The following ARVCF variants were observed in gnomAD, a reference collection of about 807,000 sequenced individuals.
ARVCF encodes splicing regulator ARVCF.
In ARVCF, 66 loss-of-function variants were observed where a neutral mutation model predicts 90.9. The ratio of observed to expected loss-of-function variants is 0.73; its 90% confidence interval spans 0.60 to 0.89. The LOEUF is 0.89. Among genes scored for constraint, ARVCF ranks in the 40% least tolerant of loss-of-function variants. The probability of loss-of-function intolerance (pLI) is 0.00; values close to 1 mark genes in which losing one functional copy is unlikely to be tolerated. For synonymous variants in ARVCF, 653 were observed against 603.4 expected (o/e 1.08, Z -1.21); for missense variants, 1,469 against 1,382.3 (o/e 1.06, Z -1.00).
rs763980870 is a variant in ARVCF, at chr22:19,977,448, C to T, written c.1837G>A (p.Asp613Asn). The part of the protein sequence containing the change: ...AVGSQRRRRD[D>N]ASCFGGKKAK... ...TTCTTGCCTCCAAAGCAGCTGGCAT[C>T]ATCCCGCCTCCGGCGCTGGGAGCCT... Residue 613 changes from aspartate to asparagine, a missense_variant, in exon 9 of 20, where the codon GAT becomes AAT. Asp to Asn is a conservative substitution (Grantham distance 23). Coordinates refer to ENST00000263207, the MANE Select transcript of ARVCF (RefSeq NM_001670.3). 7 of 1,552,600 alleles carry T rather than the reference C, an allele frequency of 4.5e-6. No homozygotes were observed. In the East Asian group the frequency reaches 1.6e-4, roughly 36 times the overall value.
intron 2 of ARVCF, among the ~76,000 whole-genome samples, chr22:20,008,198 G>A (rs563999011): frequency 6.6e-6 from 1 of 152,298 alleles, no homozygotes; most frequent in Admixed American, 6.5e-5. Flanking sequence ...CCAAGAGAAG[G>A]CCTGTCATAG....
chr22:19,993,558 G>A (rs549882096), intron 2 of ARVCF, among the ~76,000 whole-genome samples: 38 of 152,184 alleles, frequency 2.5e-4, no homozygotes, highest in Non-Finnish European at 4.6e-4. Context: ...TGCCACCTTG[G>A]CCTCCCCTAA....
Position 19,980,260 on chromosome 22 carries a change from G to A in ARVCF, c.897-18C>T. The A allele has an allele frequency of 6.7e-7, 1 of 1,500,416 alleles. No individual in the cohort carries two copies. The highest frequency in any genetic ancestry group is 1.3e-5 in the South Asian group (1 of 75,600). 92.9% of individuals were successfully genotyped at this position (1,500,416 alleles called of 1,614,324 possible). ...CGTAGGCCCTGCACAGGCAAGTGGGGCGCGTGGACATCGTCACAGCAGCCG... is the reference window on the plus strand; with the variant it reads ...CGTAGGCCCTGCACAGGCAAGTGGGACGCGTGGACATCGTCACAGCAGCCG... On this transcript the variant is annotated intron_variant, in intron 5 of 19. Coordinates refer to ENST00000263207, the MANE Select transcript of ARVCF (RefSeq NM_001670.3).
intron 2 of ARVCF, among the ~76,000 whole-genome samples, chr22:19,994,229 G>C (rs1944138598): frequency 6.6e-6 from 1 of 151,864 alleles, no homozygotes; most frequent in Admixed American, 6.6e-5. Context: ...TGAATGGATG[G>C]ATGGGGGATG....
chr22:19,985,036 G>A (rs2238784), intron 3 of ARVCF, among the ~76,000 whole-genome samples: 37,273 of 152,040 alleles, frequency 0.25, 5,083 homozygotes, highest in South Asian at 0.33. Context: ...CATGTCTGAC[G>A]TGCACCTGCC....
At chr22:20,008,258 G>T (rs916408957) in intron 2 of ARVCF, among the ~76,000 whole-genome samples, 1 of 152,226 alleles carries the variant, frequency 6.6e-6, no homozygotes, top group Admixed American at 6.5e-5. Context: ...CAGGCACACG[G>T]CGGCTGATGG....
intron 2 of ARVCF, among the ~76,000 whole-genome samples, chr22:19,995,813 G>A (rs543582232): frequency 5.3e-5 from 8 of 152,128 alleles, no homozygotes; most frequent in East Asian, 1.9e-4. Flanking sequence ...GAGACGGGAC[G>A]GATGACCATC....
chr22:19,974,312 G>A, intron 11 of ARVCF, 73 bp from the exon 12 acceptor site: 1 of 1,478,732 alleles, frequency 6.8e-7, no homozygotes, highest in South Asian at 1.3e-5. Context: ...CCCGCTTCCC[G>A]CTTCAGAGCT....
In ARVCF at chr22:19,977,982, C is replaced by T. The variant is rs1569156891; in HGVS notation, c.1674G>A (p.Val558=). 6.2e-7 allele frequency: 1 copy of T among 1,610,566 alleles called. No homozygotes were observed. The highest frequency in any genetic ancestry group is 2.2e-5 in the East Asian group (1 of 44,814). Residue 558 remains valine (V), a synonymous_variant, in exon 8 of 20, where the codon GTG becomes GTA. Coordinates refer to ENST00000263207, the MANE Select transcript of ARVCF (RefSeq NM_001670.3). ...CCTTGTTGTCAGTGTCCTTCCGGCC[C>T]ACAGCCGACTGCAGGGCATGCAGGA... ...DALLHALQSA[V]GRKDTDNKSV...
chr22:19,995,021 G>A (rs1432452197), intron 2 of ARVCF, among the ~76,000 whole-genome samples: 1 of 151,820 alleles, frequency 6.6e-6, no homozygotes, highest in East Asian at 1.9e-4. Flanking sequence ...TCATAGAAGG[G>A]TAGACAGCTA....
chr22:19,974,454 T>G (rs1470237937), intron 11 of ARVCF, among the ~76,000 whole-genome samples: 1 of 152,110 alleles, frequency 6.6e-6, no homozygotes, highest in African/African-American at 2.4e-5. Flanking sequence ...TCAAATCAGT[T>G]GGACCTGCCT....
At position 19,981,482 on chromosome 22, in the gene ARVCF, C is replaced by T. The variant is rs1170998597; in HGVS notation, c.625G>A (p.Gly209Ser). Residue 209 changes from glycine to serine, a missense_variant, in exon 5 of 20, where the codon GGC becomes AGC. Gly to Ser is a moderately conservative substitution (Grantham distance 56). Transcript: ENST00000263207. ...PSYGSLSRGL[G>S]MRPPRAGPLG... ...GGGCCAGCACGTGGGGGCCGCATGC[C>T]CAGCCCTCGGGACAGGCTGCCATAG... The T allele has an allele frequency of 1.9e-6, 3 of 1,548,178 alleles. No individual in the cohort carries two copies. Among genetic ancestry groups the T allele is most frequent in the Non-Finnish European group, 2.6e-6 (3 of 1,149,228 alleles).
intron 2 of ARVCF, among the ~76,000 whole-genome samples, chr22:20,006,900 G>T (rs1944649515): frequency 6.6e-6 from 1 of 151,700 alleles, no homozygotes; most frequent in Non-Finnish European, 1.5e-5. Context: ...AAAGTGCTGG[G>T]ATTACAAGCA....
intron 3 of ARVCF, chr22:19,987,208 G>C: frequency 2.6e-6 from 1 of 387,634 alleles, no homozygotes; most frequent in Non-Finnish European, 4.6e-6. Context: ...CTCCCCGCGG[G>C]GGCGGATCTG....
chr22:19,992,764 C>A lies in ARVCF; in HGVS notation c.-18-1952G>T, dbSNP rs116957157. 1.3e-3 allele frequency among the ~76,000 whole-genome samples: 198 copies of A among 148,192 alleles called. 2 individuals are homozygous for A. Among genetic ancestry groups the A allele is most frequent in the African/African-American group, 4.9e-3 (196 of 40,138 alleles). On this transcript the variant is annotated intron_variant, in intron 2 of 19. Coordinates refer to ENST00000263207, the MANE Select transcript of ARVCF (RefSeq NM_001670.3). ...CTCCCTGTGCAGAGACATGGACCCTCGTCTACACCACACACCCCATCCCCC... is the reference window on the plus strand; with the variant it reads ...CTCCCTGTGCAGAGACATGGACCCTAGTCTACACCACACACCCCATCCCCC...
chr22:20,013,061 T>C (rs1944894314), intron 1 of ARVCF, among the ~76,000 whole-genome samples: 1 of 152,202 alleles, frequency 6.6e-6, no homozygotes, highest in Non-Finnish European at 1.5e-5. Flanking sequence ...ACACTGACTG[T>C]AGGTAGCTGA....
intron 16 of ARVCF, 108 bp downstream of exon 16, chr22:19,972,629 A>G: frequency 7.8e-7 from 1 of 1,282,688 alleles, no homozygotes; most frequent in Non-Finnish European, 1.1e-6. Flanking sequence ...GGCCTATGGA[A>G]GCCGTCTCAG....
chr22:19,996,984 T>A (rs1944277660), intron 2 of ARVCF, among the ~76,000 whole-genome samples: 1 of 152,208 alleles, frequency 6.6e-6, no homozygotes. Flanking sequence ...CACTCCCATG[T>A]CCAGGGAGAA....
intron 1 of ARVCF, among the ~76,000 whole-genome samples, chr22:20,015,602 A>G (rs544985969): frequency 1.3e-5 from 2 of 152,292 alleles, no homozygotes; most frequent in South Asian, 4.1e-4. Context: ...GAAGAAGTAA[A>G]GGCAGCTACC....
Sources: allele counts gnomAD v4.1 joint callset (sites outside exome capture counted in the v4.1 genomes callset), GRCh38; gene constraint gnomAD v4.1.1; transcripts MANE v1.5; gene names NCBI Gene and HGNC (gene_info 2026-07-23, HGNC 2026-07-21).